MYH13: variants seen among roughly 807,000 people sequenced by gnomAD.
The protein encoded by MYH13 is myosin-13.
Under a neutral mutation model 232.1 loss-of-function variants are expected in MYH13, and 177 were observed. The ratio of observed to expected loss-of-function variants is 0.76; its 90% CI spans 0.67 to 0.86. The LOEUF is 0.86. Among genes scored for constraint, MYH13 ranks in the 40% least tolerant of loss-of-function variants. MYH13 has a pLI of 0.00. For synonymous variants in MYH13, 884 were observed against 923.5 expected, an observed-to-expected ratio of 0.96 and a Z score of 0.78; for missense variants, 2,246 against 2,405.9, an observed-to-expected ratio of 0.93 and a Z score of 1.39.
chr17:10,310,706 C>T (rs1305494451), intron 33 of MYH13, among the ~76,000 whole-genome samples: 1 of 152,098 alleles, frequency 6.6e-6, no homozygotes, highest in East Asian at 1.9e-4. Context: ...CCATCCTGAC[C>T]ACCACCGATT....
At position 10,313,693 on chromosome 17, in the gene MYH13, G is replaced by T. The variant is rs146703882; in HGVS notation, c.3985-339C>A. ...TGCCTGCTGGGACTCCATGCCTGGGGTCTACCCTCTATTTCTTAATAGGGT... is the reference window on the plus strand; with the variant it reads ...TGCCTGCTGGGACTCCATGCCTGGGTTCTACCCTCTATTTCTTAATAGGGT... On this transcript the variant is annotated intron_variant, in intron 29 of 40. Transcript: ENST00000252172. 2.2e-3 allele frequency among the ~76,000 whole-genome samples: 332 copies of T among 152,304 alleles called. 4 individuals carry two copies. In the East Asian group the frequency reaches 0.027, roughly 12 times the overall value.
At chr17:10,372,593 T>G (rs961430442) in intron 1 of MYH13, among the ~76,000 whole-genome samples, 1 of 152,170 alleles carries the variant, frequency 6.6e-6, no homozygotes, top group African/African-American at 2.4e-5. Context: ...ACAAATTAAA[T>G]AAACATAAAA....
At chr17:10,314,415 C>CAAAAAAAAAA (rs535595768) in intron 29 of MYH13, among the ~76,000 whole-genome samples, 4 of 89,904 alleles carry the variant, frequency 4.4e-5, no homozygotes, top group African/African-American at 1.7e-4. Flanking sequence ...AACTCCATCT[C>CAAAAAAAAAA]AAAAAAAAAA....
At chr17:10,329,381 C>G (rs943648118) in intron 21 of MYH13, among the ~76,000 whole-genome samples, 6 of 152,196 alleles carry the variant, frequency 3.9e-5, no homozygotes, top group Admixed American at 6.5e-5. Context: ...CCTCTCTCAC[C>G]CATCAACTAT....
At chr17:10,312,206 A>G (rs1906531995) in intron 31 of MYH13, 130 bp from the exon 32 acceptor site, 3 of 1,030,124 alleles carry the variant, frequency 2.9e-6, no homozygotes, top group African/African-American at 1.6e-5. Context: ...AAGGAGGAGG[A>G]GCACTGTTCT....
In MYH13 at chr17:10,330,444, T is replaced by C. The variant is rs200751006; in HGVS notation, c.2378A>G (p.Gln793Arg). ...CATCAGGTACCCCCTGCACACCGCC[T>C]GCGTGCTTGTCATCAGCGTCACCAG... ...EKLVTLMTST[Q>R]AVCRGYLMRV... The change falls in exon 21 of 41, where the codon CAG (glutamine) becomes CGG (arginine). Residue 793 changes from glutamine (Q) to arginine (R), a missense_variant. Gln to Arg is a conservative substitution (Grantham distance 43, BLOSUM62 1). Transcript: ENST00000252172. The C allele has an allele frequency of 6.3e-5, 102 of 1,613,530 alleles. No individual in the cohort carries two copies. In the African/African-American group the frequency reaches 1.2e-3, roughly 20 times the overall value.
chr17:10,309,679 C>T lies in MYH13; in HGVS notation c.4808G>A (p.Ser1603Asn). The T allele has an allele frequency of 6.2e-7, 1 of 1,609,826 alleles. No homozygotes were observed. The highest frequency in any genetic ancestry group is 2.2e-5 in the East Asian group (1 of 44,756). ...GCTGCGGATTTCAGCATCCAGCACG[C>T]TCTGCAGGGCCTCTGCTGCCCGCTG... ...NSQRAAEALQ[S>N]VLDAEIRSRN... The change falls in exon 34 of 41, where the codon AGC becomes AAC. Residue 1603 changes from serine to asparagine, a missense_variant. Physicochemically the swap from Ser to Asn is conservative, Grantham distance 46. Transcript: ENST00000252172.
chr17:10,346,534 T>G, intron 13 of MYH13, 146 bp downstream of exon 13: 1 of 627,436 alleles, frequency 1.6e-6, no homozygotes, highest in Non-Finnish European at 2.7e-6. Flanking sequence ...TTCCTTCAGT[T>G]GCCTCTGAAG....
chr17:10,351,193 C>T (rs1429854177), intron 11 of MYH13, among the ~76,000 whole-genome samples: 1 of 125,046 alleles, frequency 8.0e-6, no homozygotes, highest in Non-Finnish European at 1.6e-5. Context: ...TGCACTCCAG[C>T]CTGGGAGACA....
At chr17:10,352,784 G>A (rs1196774643) in intron 11 of MYH13, among the ~76,000 whole-genome samples, 4 of 152,106 alleles carry the variant, frequency 2.6e-5, no homozygotes, top group African/African-American at 7.2e-5. Context: ...ACAAGTTAGT[G>A]AAGACTGGGG....
At chr17:10,311,794 T>C in intron 32 of MYH13, 117 bp downstream of exon 32, 1 of 1,209,836 alleles carries the variant, frequency 8.3e-7, no homozygotes, top group South Asian at 1.4e-5. Context: ...GCATGATGGG[T>C]GAGGATCGTG....
At chr17:10,322,885 G>A (rs1331375516) in intron 23 of MYH13, among the ~76,000 whole-genome samples, 2 of 152,026 alleles carry the variant, frequency 1.3e-5, no homozygotes, top group Non-Finnish European at 2.9e-5. Flanking sequence ...TGCCCACCTT[G>A]GCCTCCCAAA....
rs1907272774 is a variant in MYH13 at position 10,327,964 on chromosome 17, C to T, written c.2593G>A (p.Glu865Lys). The T allele has an allele frequency of 1.2e-6, 2 of 1,614,012 alleles. No homozygotes were observed. Among genetic ancestry groups the T allele is most frequent in the Non-Finnish European group, 1.7e-6 (2 of 1,180,028 alleles). Residue 865 changes from glutamate to lysine, a missense_variant, in exon 22 of 41, where the codon GAA (glutamate) becomes AAA (lysine). Coordinates refer to ENST00000252172, the MANE Select transcript of MYH13 (RefSeq NM_003802.3). ...CGAGCCTCAGATCGGGCCAGTTCTT[C>T]CTTGGTCCTCTCAAAGTCTTCCTTC... Reference protein sequence around the residue: ...TMKEDFERTKEELARSEARRK... With the variant: ...TMKEDFERTKKELARSEARRK...
chr17:10,354,643 T>G (rs1314777644), intron 11 of MYH13, 37 bp downstream of exon 11: 1 of 1,567,180 alleles, frequency 6.4e-7, no homozygotes, highest in Non-Finnish European at 8.8e-7. Flanking sequence ...AACTCAATAA[T>G]TCTGTGCATA....
In MYH13 at chr17:10,309,235, T is replaced by C. The variant is rs753219040; in HGVS notation, c.5168A>G (p.Gln1723Arg). ...GCGGAGGAGTGAGGGCCGACGCACC[T>C]GGGAGTGCAGGAGCTGCACGCGGTC... ...ASDRVQLLHS[Q>R]NTSLINTKKK... Residue 1723 changes from glutamine (Q) to arginine (R), a missense_variant and splice_region_variant, in exon 35 of 41, where the codon CAG (glutamine) becomes CGG (arginine). By Grantham distance (43) the Gln-to-Arg change is conservative. Transcript: ENST00000252172. The C allele has an allele frequency of 1.2e-5, 20 of 1,612,890 alleles. No individual in the cohort carries two copies. Among genetic ancestry groups the C allele is most frequent in the Admixed American group, 1.7e-5 (1 of 59,972 alleles).
At position 10,306,731 on chromosome 17, in the gene MYH13, G is replaced by A; in HGVS notation, c.5296-102C>T. On this transcript the variant is annotated intron_variant, in intron 36 of 40. Transcript: ENST00000252172. The surrounding 1 kb of genome is among the most constrained non-coding windows in gnomAD (Gnocchi z 4.3). ...GGGATCATGGTGCTGAGCCTCCCCT[G>A]TCTGACTGGGGCCAGTCATTGCTGA... 2 of 1,552,024 alleles carry A rather than the reference G, an allele frequency of 1.3e-6. No homozygotes were observed. Among genetic ancestry groups the A allele is most frequent in the Non-Finnish European group, 1.7e-6 (2 of 1,152,018 alleles).
At chr17:10,320,577 GCCTGGGGCTT>G in intron 24 of MYH13, 81 bp from the exon 25 acceptor site, 1 of 1,475,206 alleles carries the variant, frequency 6.8e-7, no homozygotes, top group South Asian at 1.3e-5. Flanking sequence ...CATACACGTG[GCCTGGGGCTT>G]CCTGGGGCTC....
At chr17:10,342,554 C>A (rs922104405) in intron 16 of MYH13, among the ~76,000 whole-genome samples, 1 of 152,200 alleles carries the variant, frequency 6.6e-6, no homozygotes, top group African/African-American at 2.4e-5. Context: ...CCAGAAAGTT[C>A]ATCGGCTGAT....
chr17:10,351,234 A>AAAAAAAAAAAAAG (rs796765349), intron 11 of MYH13, among the ~76,000 whole-genome samples: 4 of 150,404 alleles, frequency 2.7e-5, no homozygotes, highest in East Asian at 4.0e-4. Flanking sequence ...AAAAAAAAAA[A>AAAAAAAAAAAAAG]AGAGAACTGA....
Sources: allele counts gnomAD v4.1 joint callset (sites outside exome capture counted in the v4.1 genomes callset), GRCh38; gene constraint gnomAD v4.1.1; non-coding constraint Gnocchi (gnomAD v3.1); transcripts MANE v1.5; gene names NCBI Gene and HGNC (gene_info 2026-07-23, HGNC 2026-07-21).